SEZ6: variants seen among roughly 807,000 people sequenced by gnomAD.
The protein encoded by SEZ6 is seizure protein 6 homolog.
SEZ6 carries 53 observed loss-of-function variants against 101.0 expected under a neutral mutation model. That is an observed-to-expected ratio of 0.52 (90% confidence interval 0.42 to 0.66). The LOEUF (loss-of-function observed/expected upper bound fraction) is 0.66. Among genes scored for constraint, SEZ6 ranks in the 30% least tolerant of loss-of-function variants. SEZ6 has a pLI of 0.00. For missense variants in SEZ6, 1,102 were observed against 1,289.4 expected, an observed-to-expected ratio of 0.85 and a Z score of 2.23; for synonymous variants, 488 against 512.2, an observed-to-expected ratio of 0.95 and a Z score of 0.64.
At chr17:28,981,076 A>ATTTT (rs2041293548) in intron 2 of SEZ6, among the ~76,000 whole-genome samples, 1 of 151,818 alleles carries the variant, frequency 6.6e-6, no homozygotes, top group Non-Finnish European at 1.5e-5. Context: ...TTGTATTTTT[A>ATTTT]GTAGAGATGG....
intron 11 of SEZ6, 53 bp from the exon 12 acceptor site, chr17:28,957,592 C>T (rs1470954479): frequency 6.5e-7 from 1 of 1,550,214 alleles, no homozygotes. Flanking sequence ...TAAGCAGAGG[C>T]CAATCCACCC....
chr17:28,975,761 G>T (rs529505493), intron 3 of SEZ6, among the ~76,000 whole-genome samples: 6 of 152,350 alleles, frequency 3.9e-5, no homozygotes, highest in African/African-American at 1.4e-4. Flanking sequence ...CAAACTGTCA[G>T]CTGGCCTGGC....
At chr17:28,965,650 TCAAA>T (rs961142118) in intron 4 of SEZ6, among the ~76,000 whole-genome samples, 6 of 151,410 alleles carry the variant, frequency 4.0e-5, no homozygotes, top group South Asian at 2.1e-4. Context: ...AAAAACAACA[TCAAA>T]CAAACAAGAA....
At chr17:28,966,617 A>G (rs2041073142) in intron 4 of SEZ6, among the ~76,000 whole-genome samples, 1 of 152,130 alleles carries the variant, frequency 6.6e-6, no homozygotes, top group South Asian at 2.1e-4. Context: ...GACTGTCTAG[A>G]CTGAAGATCT....
intron 2 of SEZ6, among the ~76,000 whole-genome samples, 183 bp from the exon 3 acceptor site, chr17:28,979,996 CA>C (rs533555891): frequency 6.6e-6 from 1 of 150,764 alleles, no homozygotes; most frequent in South Asian, 2.1e-4. Context: ...AGGCACCTAC[CA>C]TGTGCAATCT....
At chr17:28,993,571 C>T (rs962674424) in intron 1 of SEZ6, among the ~76,000 whole-genome samples, 3 of 152,214 alleles carry the variant, frequency 2.0e-5, no homozygotes, top group Non-Finnish European at 4.4e-5. Flanking sequence ...GTACCAGGGT[C>T]AGCTCTGCCC....
intron 3 of SEZ6, 134 bp from the exon 4 acceptor site, chr17:28,970,086 C>CCCT: frequency 1.3e-6 from 1 of 776,468 alleles, no homozygotes; most frequent in Non-Finnish European, 1.9e-6. Flanking sequence ...AGCCCCCAGG[C>CCCT]CCTGAGCTGG....
intron 11 of SEZ6, 53 bp from the exon 12 acceptor site, chr17:28,957,592 C>G (rs1470954479): frequency 7.7e-6 from 12 of 1,550,096 alleles, no homozygotes; most frequent in South Asian, 1.2e-5. Flanking sequence ...TAAGCAGAGG[C>G]CAATCCACCC....
chr17:28,957,571 C>T (rs745363396), intron 11 of SEZ6, 32 bp from the exon 12 acceptor site: 1 of 1,591,096 alleles, frequency 6.3e-7, no homozygotes, highest in South Asian at 1.1e-5. Flanking sequence ...GAGAAGTAGC[C>T]CAAGGAGAAC....
Position 28,956,371 on chromosome 17 carries a change from C to T in SEZ6, c.2828G>A (p.Gly943Asp). The T allele has an allele frequency of 6.4e-7, 1 of 1,572,826 alleles. No individual in the cohort carries two copies. The highest frequency in any genetic ancestry group is 8.6e-7 in the Non-Finnish European group (1 of 1,158,788). Residue 943 changes from glycine (G) to aspartate (D), a missense_variant, in exon 15 of 17, where the codon GGT becomes GAT. Gly to Asp is a moderately conservative substitution (Grantham distance 94, BLOSUM62 -1). Around this residue, in one of 3 missense-constraint regions of SEZ6, gnomAD observed 140 missense variants for 135.7 expected, o/e 1.03. Transcript: ENST00000317338. ...PLVAMVLLVGGVYFYFSRLQG... is the reference protein window; with the variant it reads ...PLVAMVLLVGDVYFYFSRLQG... ...TCACCTGGAGAAGTAGAAGTATACA[C>T]CTCCTACCAACAACACCATCGCCAC... is the stretch of plus-strand genomic sequence containing the variant.
intron 1 of SEZ6, among the ~76,000 whole-genome samples, chr17:28,983,994 G>C (rs937303361): frequency 6.6e-6 from 1 of 152,148 alleles, no homozygotes; most frequent in Non-Finnish European, 1.5e-5. Flanking sequence ...AGGTTGGAGG[G>C]CTCTCCATTC....
intron 1 of SEZ6, among the ~76,000 whole-genome samples, chr17:29,003,590 C>T (rs192366930): frequency 6.0e-4 from 92 of 152,332 alleles, no homozygotes; most frequent in Admixed American, 5.0e-3. Flanking sequence ...CCTTTAGGCT[C>T]GCCTTCACAA....
rs1017540049 is a variant in SEZ6 at position 28,979,624 on chromosome 17, G to T, written c.858+56C>A. 6.2e-6 allele frequency: 10 copies of T among 1,610,960 alleles called. No individual in the cohort carries two copies. The Admixed American group carries it at 6.7e-5, about 11-fold the overall frequency. On this transcript the variant is annotated intron_variant, in intron 3 of 16. Coordinates refer to ENST00000317338, the MANE Select transcript of SEZ6 (RefSeq NM_178860.5). Reference sequence around the variant, plus strand: ...ATCCTCTCATAGCATGTGCCTCTCTGAAGAAAGAGAATACACCCGCCCCAG... The same window carrying T: ...ATCCTCTCATAGCATGTGCCTCTCTTAAGAAAGAGAATACACCCGCCCCAG...
rs566782079 is a variant in SEZ6 at position 28,959,514 on chromosome 17, C to T, written c.1772-42G>A. On this transcript the variant is annotated intron_variant, in intron 8 of 16. Transcript: ENST00000317338. The surrounding 1 kb of genome is among the most constrained non-coding windows in gnomAD (Gnocchi z 4.4). The stretch of plus-strand genomic sequence containing the variant: ...GCCCAGAAGGGTCTTTTCAAGCTTA[C>T]CATGGTGTTGCTTACCATCTGCCCG... The T allele has an allele frequency of 2.8e-5, 45 of 1,600,874 alleles. No individual in the cohort carries two copies. The highest frequency in any genetic ancestry group is 2.3e-4 in the African/African-American group (17 of 74,894).
At chr17:28,965,933 G>A (rs1478473197) in intron 4 of SEZ6, among the ~76,000 whole-genome samples, 1 of 151,296 alleles carries the variant, frequency 6.6e-6, no homozygotes, top group East Asian at 2.0e-4. Context: ...GAGGTCAAGA[G>A]TTCAAGACCA....
At chr17:28,958,165 G>T in intron 10 of SEZ6, 24 bp from the exon 11 acceptor site, 1 of 1,570,520 alleles carries the variant, frequency 6.4e-7, no homozygotes, top group East Asian at 2.3e-5. Flanking sequence ...GGCACAAGAT[G>T]CAGGCCCTCG....
At chr17:28,996,907 C>T (rs1034146172) in intron 1 of SEZ6, among the ~76,000 whole-genome samples, 1 of 152,140 alleles carries the variant, frequency 6.6e-6, no homozygotes, top group African/African-American at 2.4e-5. Flanking sequence ...AAGCCCTCCT[C>T]CCTTGTCTCT....
Position 28,955,811 on chromosome 17 carries a change from A to C in SEZ6, c.*151T>G. ...CCATGGTGGGCATCGCAGGCGGGGA[A>C]GGGCACAACTTCTTGAGGGCTTGGT... On this transcript the variant is annotated 3_prime_UTR_variant, in exon 17 of 17. Transcript: ENST00000317338. 3.4e-6 allele frequency: 3 copies of C among 887,146 alleles called. No individual in the cohort carries two copies. Among genetic ancestry groups the C allele is most frequent in the Non-Finnish European group, 1.8e-6 (1 of 546,094 alleles). 55.0% of individuals were successfully genotyped at this position (887,146 alleles called of 1,614,324 possible).
intron 1 of SEZ6, among the ~76,000 whole-genome samples, chr17:28,986,480 G>A (rs1805478340): frequency 6.6e-6 from 1 of 152,240 alleles, no homozygotes; most frequent in Non-Finnish European, 1.5e-5. Context: ...GCGTGTTCTA[G>A]CGTCCAGCTA....
Sources: gnomAD v4.1 joint callset for allele counts (sites outside exome capture counted in the v4.1 genomes callset) on GRCh38, gnomAD v4.1.1 for gene constraint, gnomAD v4.1.1 regional missense constraint, Gnocchi (gnomAD v3.1) non-coding constraint, MANE v1.5 for transcripts, NCBI Gene and HGNC (gene_info 2026-07-23, HGNC 2026-07-21) for gene names.